Variants in NPSR1 observed in about 807,000 individuals in gnomAD.
NPSR1 encodes the protein neuropeptide S receptor 1.
Under a neutral mutation model 46.9 loss-of-function variants are expected in NPSR1, and 48 were observed. That is an observed-to-expected ratio of 1.02 (90% CI 0.81 to 1.30). NPSR1 has a LOEUF of 1.30. Ranked by LOEUF, NPSR1 falls within the 50% of genes most tolerant of loss-of-function variation. NPSR1 has a pLI of 0.00. For synonymous variants in NPSR1, 176 were observed against 168.1 expected (o/e 1.05, Z -0.36); for missense variants, 450 against 449.5 (o/e 1.00, Z -0.01).
At chr7:34,659,939 G>A (rs905747909) in intron 1 of NPSR1, among the ~76,000 whole-genome samples, 7 of 152,130 alleles carry the variant, frequency 4.6e-5, no homozygotes, top group African/African-American at 1.4e-4. Context: ...ATGAAGAGAG[G>A]CCCTCCATTG....
chr7:34,822,196 C>T (rs1789590863), intron 4 of NPSR1, among the ~76,000 whole-genome samples: 1 of 152,154 alleles, frequency 6.6e-6, no homozygotes, highest in African/African-American at 2.4e-5. Context: ...GGAAGCCCAA[C>T]GCGGGAGTCA....
At chr7:34,720,791 C>A (rs1317713781) in intron 2 of NPSR1, among the ~76,000 whole-genome samples, 1 of 152,058 alleles carries the variant, frequency 6.6e-6, no homozygotes, top group East Asian at 1.9e-4. Flanking sequence ...GTTCACTGTA[C>A]AATGAACAGA....
chr7:34,731,939 G>A (rs1346600434), intron 2 of NPSR1, among the ~76,000 whole-genome samples: 1 of 152,118 alleles, frequency 6.6e-6, no homozygotes, highest in Non-Finnish European at 1.5e-5. Context: ...CCAGCACCTT[G>A]GGAGGCCAAG....
At chr7:34,827,366 A>T (rs753465533) in intron 4 of NPSR1, 35 bp from the exon 5 acceptor site, 3 of 1,600,534 alleles carry the variant, frequency 1.9e-6, no homozygotes, top group Non-Finnish European at 2.6e-6. Context: ...AATGGTTGCC[A>T]CATACCCAGA....
At chr7:34,804,110 A>G (rs1265968860) in intron 3 of NPSR1, among the ~76,000 whole-genome samples, 2 of 152,132 alleles carry the variant, frequency 1.3e-5, no homozygotes, top group African/African-American at 2.4e-5. Context: ...TCTTCTCTAG[A>G]AAACAGATGA....
At chr7:34,875,411 C>T (rs1314672558) in intron 8 of NPSR1, among the ~76,000 whole-genome samples, 2 of 152,182 alleles carry the variant, frequency 1.3e-5, no homozygotes, top group Admixed American at 1.3e-4. Context: ...GTAACGTCTT[C>T]CAGAGAGTTT....
intron 2 of NPSR1, among the ~76,000 whole-genome samples, chr7:34,718,631 G>T (rs1214135541): frequency 6.6e-6 from 1 of 152,220 alleles, no homozygotes; most frequent in Non-Finnish European, 1.5e-5. Context: ...CTACATTGAA[G>T]ATCAAGGAAT....
chr7:34,708,906 T>A (rs936067622), intron 2 of NPSR1, among the ~76,000 whole-genome samples: 2 of 152,172 alleles, frequency 1.3e-5, no homozygotes, highest in Non-Finnish European at 2.9e-5. Flanking sequence ...TTATCATTGC[T>A]TTCACCCTTG....
rs1372246769 is a variant in NPSR1, at chr7:34,848,469, C to T, written c.845-14C>T. On this transcript the variant is annotated splice_polypyrimidine_tract_variant and intron_variant, in intron 7 of 8. Transcript: ENST00000360581. Reference sequence around the variant, plus strand: ...GCTACCTGCTGTGATGCTAATGGCTCTCTTCTCCCCCAGCCTTCATCTGCT... The same window carrying T: ...GCTACCTGCTGTGATGCTAATGGCTTTCTTCTCCCCCAGCCTTCATCTGCT... The T allele has an allele frequency of 6.2e-7, 1 of 1,613,204 alleles. No homozygotes were observed. The highest frequency in any genetic ancestry group is 1.1e-5 in the South Asian group (1 of 90,914).
chr7:34,794,829 C>A (rs35654624), intron 3 of NPSR1, among the ~76,000 whole-genome samples: 18,633 of 152,034 alleles, frequency 0.12, 1,432 homozygotes, highest in Non-Finnish European at 0.17. Flanking sequence ...AAAAATAATT[C>A]TACACTTGAG....
chr7:34,667,582 C>T lies in NPSR1; in HGVS notation c.147+9023C>T, dbSNP rs112972060. On this transcript the variant is annotated intron_variant, in intron 1 of 8. Coordinates refer to ENST00000360581, the MANE Select transcript of NPSR1 (RefSeq NM_207172.2). ...TCCATCCTCAAAGACTCTCCACCCACCCAGGCTAGTCATGCATTGCTAAAG... is the reference window on the plus strand; with the variant it reads ...TCCATCCTCAAAGACTCTCCACCCATCCAGGCTAGTCATGCATTGCTAAAG... Among the ~76,000 whole-genome samples the T allele has an allele frequency of 9.3e-3, 1,412 of 152,204 alleles. 22 individuals are homozygous for T. The highest frequency in any genetic ancestry group is 0.033 in the African/African-American group (1,352 of 41,516).
At chr7:34,711,803 T>C (rs1241927083) in intron 2 of NPSR1, among the ~76,000 whole-genome samples, 1 of 152,306 alleles carries the variant, frequency 6.6e-6, no homozygotes, top group African/African-American at 2.4e-5. Context: ...TAGGGGAGTG[T>C]TCCTCCCATT....
chr7:34,839,559 A>C (rs991340219), intron 6 of NPSR1, among the ~76,000 whole-genome samples: 6 of 152,220 alleles, frequency 3.9e-5, no homozygotes, highest in African/African-American at 1.2e-4. Flanking sequence ...ACAGCACTGC[A>C]TATGAGGTAC....
intron 3 of NPSR1, among the ~76,000 whole-genome samples, chr7:34,795,538 G>A (rs956446490): frequency 6.6e-6 from 1 of 151,998 alleles, no homozygotes; most frequent in African/African-American, 2.4e-5. Flanking sequence ...AACTCTCCCA[G>A]AACTAATAGG....
At chr7:34,752,864 G>A (rs1320440285) in intron 2 of NPSR1, among the ~76,000 whole-genome samples, 2 of 152,152 alleles carry the variant, frequency 1.3e-5, no homozygotes, top group Admixed American at 1.3e-4. Context: ...ACACAAAGCT[G>A]AACAGGCACT....
At chr7:34,733,895 A>G (rs894652712) in intron 2 of NPSR1, among the ~76,000 whole-genome samples, 1 of 152,210 alleles carries the variant, frequency 6.6e-6, no homozygotes, top group Admixed American at 6.5e-5. Flanking sequence ...TGGTACTGCT[A>G]TAGAAAACTG....
intron 8 of NPSR1, among the ~76,000 whole-genome samples, chr7:34,867,856 G>A (rs62464177): frequency 0.04 from 6,031 of 151,890 alleles, 386 homozygotes; most frequent in African/African-American, 0.1. Flanking sequence ...TGGAAAAGGA[G>A]GAACTCCAAA....
chr7:34,796,879 G>GT (rs985867113), intron 3 of NPSR1, among the ~76,000 whole-genome samples: 2 of 152,094 alleles, frequency 1.3e-5, no homozygotes, highest in Non-Finnish European at 2.9e-5. Flanking sequence ...GCATACAAAC[G>GT]TTTATATCAT....
At chr7:34,693,812 A>G (rs1793382260) in intron 2 of NPSR1, among the ~76,000 whole-genome samples, 1 of 152,210 alleles carries the variant, frequency 6.6e-6, no homozygotes, top group African/African-American at 2.4e-5. Flanking sequence ...CAATCAAGTG[A>G]GTTTTATTCC....
Sources: allele counts gnomAD v4.1 joint callset (sites outside exome capture counted in the v4.1 genomes callset), GRCh38; gene constraint gnomAD v4.1.1; transcripts MANE v1.5; gene names NCBI Gene and HGNC (gene_info 2026-07-23, HGNC 2026-07-21).